KIAA0586: variants seen among roughly 807,000 people sequenced by gnomAD.
KIAA0586 encodes protein TALPID3.
KIAA0586 carries 144 observed loss-of-function variants against 169.8 expected under a neutral mutation model. The observed-to-expected ratio is 0.85, with a 90% CI of 0.74 to 0.97. KIAA0586 has a LOEUF of 0.97. Among genes scored for constraint, KIAA0586 ranks in the 50% least tolerant of loss-of-function variants. KIAA0586 has a pLI of 0.00. For synonymous variants in KIAA0586, 625 were observed against 612.4 expected, an observed-to-expected ratio of 1.02 and a Z score of -0.30; for missense variants, 1,854 against 1,823.0, an observed-to-expected ratio of 1.02 and a Z score of -0.31.
rs200722491 is a variant in KIAA0586, at chr14:58,488,646, G to A, written c.3553G>A (p.Glu1185Lys). Residue 1185 changes from glutamate to lysine, a missense_variant, in exon 24 of 31, where the codon GAA becomes AAA. Transcript: ENST00000652326. ...TGTAATGTCTGTGGCTAAGGATGAA[G>A]AACCAGAGAGTATGGATTTCCCTGC... ...AIVMSVAKDE[E>K]PESMDFPAQP... 4,132 of 1,613,868 alleles carry A rather than the reference G, an allele frequency of 2.6e-3. 6 individuals are homozygous for A. The highest frequency in any genetic ancestry group is 3.1e-3 in the Non-Finnish European group (3,687 of 1,179,822).
downstream of KIAA0586, among the ~76,000 whole-genome samples, chr14:58,551,453 C>T (rs1404012857): frequency 1.3e-5 from 2 of 151,878 alleles, no homozygotes; most frequent in African/African-American, 4.8e-5. Flanking sequence ...GTATTACCAC[C>T]CCCAATCAAA....
At chr14:58,558,142 C>T in the KIAA0586 span, among the ~76,000 whole-genome samples, 23 of 152,014 alleles carry the variant, frequency 1.5e-4, no homozygotes, top group East Asian at 5.8e-4. Context: ...AATTCCTGGC[C>T]TCAAGTGACC....
chr14:58,537,256 C>T, intron 29 of KIAA0586: 1 of 874,756 alleles, frequency 1.1e-6, no homozygotes, highest in African/African-American at 1.8e-5. Flanking sequence ...TAAGACGTAT[C>T]ACTGCAGAAG....
At chr14:58,492,507 A>G (rs2042900427) in intron 26 of KIAA0586, among the ~76,000 whole-genome samples, 1 of 152,164 alleles carries the variant, frequency 6.6e-6, no homozygotes, top group Non-Finnish European at 1.5e-5. Context: ...CTTTGTGAGG[A>G]TTCATTATGC....
chr14:58,474,710 C>T lies in KIAA0586; in HGVS notation c.2738C>T (p.Pro913Leu). 3 of 1,613,438 alleles carry T rather than the reference C, an allele frequency of 1.9e-6. No homozygotes were observed. Among genetic ancestry groups the T allele is most frequent in the Non-Finnish European group, 2.5e-6 (3 of 1,179,584 alleles). ...AAATATAATGGTCCTCCATTTCCGCCAGTTGCTTCTACTTTTCAGCCCACT... is the reference window on the plus strand; with the variant it reads ...AAATATAATGGTCCTCCATTTCCGCTAGTTGCTTCTACTTTTCAGCCCACT... Reference protein sequence around the residue: ...STKYNGPPFPPVASTFQPTAD... With the variant: ...STKYNGPPFPLVASTFQPTAD... Residue 913 changes from proline to leucine, a missense_variant, in exon 19 of 31, where the codon CCA becomes CTA. Pro to Leu is a moderately conservative substitution (Grantham distance 98). Coordinates refer to ENST00000652326, the MANE Select transcript of KIAA0586 (RefSeq NM_001329943.3).
chr14:58,427,522 G>A (rs1443671161), upstream of KIAA0586: 39 of 1,466,674 alleles, frequency 2.7e-5, no homozygotes, highest in East Asian at 3.7e-4. Context: ...GTGCGGCAAT[G>A]TGCTACCTTA....
the KIAA0586 span, among the ~76,000 whole-genome samples, chr14:58,560,003 T>C: frequency 1.3e-5 from 2 of 151,868 alleles, no homozygotes; most frequent in Non-Finnish European, 2.9e-5. Context: ...ATACAAAAAT[T>C]AGCTGAGCAT....
At chr14:58,463,958 A>G (rs2140919022) in intron 14 of KIAA0586, 1 of 440,480 alleles carries the variant, frequency 2.3e-6, no homozygotes, top group Non-Finnish European at 4.7e-6. Flanking sequence ...GACTGACCCC[A>G]AGACCTTGCA....
chr14:58,515,763 C>G (rs1171858872), intron 29 of KIAA0586, among the ~76,000 whole-genome samples: 1 of 152,068 alleles, frequency 6.6e-6, no homozygotes, highest in Non-Finnish European at 1.5e-5. Flanking sequence ...GAATAAATGT[C>G]CACAAATCCA....
Position 58,459,922 on chromosome 14 carries a change from C to T in KIAA0586, c.1736C>T (p.Thr579Ile). The change falls in exon 13 of 31, where the codon ACT becomes ATT. Residue 579 changes from threonine (T) to isoleucine (I), a missense_variant. Coordinates refer to ENST00000652326, the MANE Select transcript of KIAA0586 (RefSeq NM_001329943.3). ...NQRTKKGQNM[T>I]KDIRTNTQDK... ...AGAACCAAGAAAGGTCAGAATATGA[C>T]TAAAGATATTAGAACCAACACACAA... The T allele has an allele frequency of 6.5e-7, 1 of 1,533,214 alleles. No individual in the cohort carries two copies. Among genetic ancestry groups the T allele is most frequent in the Non-Finnish European group, 8.7e-7 (1 of 1,144,834 alleles). 95.0% of individuals were successfully genotyped at this position (1,533,214 alleles called of 1,614,324 possible).
chr14:58,460,125 C>A (rs2040204756), intron 13 of KIAA0586, 55 bp downstream of exon 13: 1 of 1,017,452 alleles, frequency 9.8e-7, no homozygotes, highest in Non-Finnish European at 1.4e-6. Flanking sequence ...TTGATCATTT[C>A]CTTTAAGAGA....
chr14:58,552,565 A>T (rs1055108984), downstream of KIAA0586, among the ~76,000 whole-genome samples: 1 of 152,200 alleles, frequency 6.6e-6, no homozygotes, highest in Non-Finnish European at 1.5e-5. Context: ...GGAATAAGTT[A>T]TTGATACATC....
rs980145205 is a variant in KIAA0586 at position 58,428,717 on chromosome 14, T to C, written c.199+254T>C. On this transcript the variant is annotated intron_variant, in intron 1 of 30. Transcript: ENST00000652326. ...TTTTGCATATTTTTTTTTTTATATTTATGGTGGATACACTTAACTTGTATA... is the reference window on the plus strand; with the variant it reads ...TTTTGCATATTTTTTTTTTTATATTCATGGTGGATACACTTAACTTGTATA... Among the ~76,000 whole-genome samples the C allele has an allele frequency of 3.3e-5, 5 of 151,936 alleles. No individual in the cohort carries two copies. The East Asian group carries it at 9.7e-4, about 29-fold the overall frequency.
intron 29 of KIAA0586, among the ~76,000 whole-genome samples, chr14:58,535,699 A>G (rs1595523862): frequency 7.1e-6 from 1 of 141,298 alleles, no homozygotes; most frequent in Non-Finnish European, 1.6e-5. Flanking sequence ...AATTTATTGG[A>G]TTTTTTTTTT....
chr14:58,468,642 G>A (rs1439571300), intron 16 of KIAA0586, among the ~76,000 whole-genome samples: 4 of 152,118 alleles, frequency 2.6e-5, no homozygotes, highest in Non-Finnish European at 5.9e-5. Flanking sequence ...TCTACCCTTC[G>A]GCCTGGGATC....
chr14:58,462,756 A>C (rs2040431044), intron 14 of KIAA0586, among the ~76,000 whole-genome samples: 1 of 152,208 alleles, frequency 6.6e-6, no homozygotes, highest in African/African-American at 2.4e-5. Flanking sequence ...TAAAGACAAG[A>C]AGGTGTAATT....
At chr14:58,475,094 A>G (rs560909868) in intron 19 of KIAA0586, among the ~76,000 whole-genome samples, 45 of 152,306 alleles carry the variant, frequency 3.0e-4, no homozygotes, top group Non-Finnish European at 5.4e-4. Flanking sequence ...CTTATCCTAA[A>G]GAAGTAATTA....
chr14:58,447,483 A>ATTTTATTTTG (rs2038995099), intron 6 of KIAA0586, among the ~76,000 whole-genome samples: 2 of 148,896 alleles, frequency 1.3e-5, no homozygotes, highest in African/African-American at 4.9e-5. Flanking sequence ...ATTTTGTTTT[A>ATTTTATTTTG]TTTTATTTTG....
At chr14:58,529,129 C>T (rs1028577270) in intron 29 of KIAA0586, among the ~76,000 whole-genome samples, 11 of 152,158 alleles carry the variant, frequency 7.2e-5, no homozygotes, top group African/African-American at 2.2e-4. Context: ...TTCCTGGACA[C>T]ATACACCCTC....
Sources: allele counts gnomAD v4.1 joint callset (sites outside exome capture counted in the v4.1 genomes callset), GRCh38; gene constraint gnomAD v4.1.1; transcripts MANE v1.5; gene names NCBI Gene and HGNC (gene_info 2026-07-23, HGNC 2026-07-21).